DLG2: variants seen among roughly 807,000 people sequenced by gnomAD.
DLG2 encodes discs large MAGUK scaffold protein 2.
Under a neutral mutation model 132.5 loss-of-function variants are expected in DLG2, and 45 were observed. The observed-to-expected ratio is 0.34, with a 90% confidence interval of 0.27 to 0.44. The LOEUF (loss-of-function observed/expected upper bound fraction) is 0.44, where lower values mean the gene tolerates loss of function less well. DLG2 is among the 20% of genes least tolerant of loss of function. The probability of loss-of-function intolerance (pLI) is 1.00; values close to 1 mark genes in which losing one functional copy is unlikely to be tolerated. For missense variants in DLG2, 1,045 were observed against 1,196.9 expected (o/e 0.87, Z 1.87); for synonymous variants, 424 against 419.6 (o/e 1.01, Z -0.13).
intron 6 of DLG2, among the ~76,000 whole-genome samples, chr11:84,892,475 A>T (rs1383419438): frequency 1.3e-5 from 2 of 152,166 alleles, no homozygotes; most frequent in African/African-American, 2.4e-5. Context: ...ACTGCCTATT[A>T]AACATTTGCT....
At chr11:85,337,745 C>T (rs574871676) in intron 3 of DLG2, among the ~76,000 whole-genome samples, 3 of 152,288 alleles carry the variant, frequency 2.0e-5, no homozygotes, top group Admixed American at 2.0e-4. Context: ...TTTCGTCTAC[C>T]ATTTCTGCTT....
intron 6 of DLG2, among the ~76,000 whole-genome samples, chr11:84,581,419 A>T (rs1028534258): frequency 2.0e-5 from 3 of 152,174 alleles, no homozygotes; most frequent in Non-Finnish European, 4.4e-5. Context: ...CTATATATAC[A>T]GATGTTCATT....
intron 19 of DLG2, among the ~76,000 whole-genome samples, chr11:83,566,788 A>G (rs992799310): frequency 2.0e-5 from 3 of 151,666 alleles, no homozygotes; most frequent in Non-Finnish European, 4.4e-5. Flanking sequence ...CTTTCATTCA[A>G]AAACAATCTG....
chr11:85,544,931 G>A (rs934686716), intron 3 of DLG2, among the ~76,000 whole-genome samples: 1 of 152,170 alleles, frequency 6.6e-6, no homozygotes, highest in African/African-American at 2.4e-5. Context: ...CATGTCATCT[G>A]CGCACAGAAA....
intron 18 of DLG2, among the ~76,000 whole-genome samples, chr11:83,748,827 A>T (rs974310954): frequency 6.6e-5 from 10 of 152,176 alleles, no homozygotes; most frequent in African/African-American, 2.2e-4. Context: ...AATCTCTACT[A>T]CTTTGTTCCC....
intron 3 of DLG2, among the ~76,000 whole-genome samples, chr11:85,564,001 G>A (rs1430323553): frequency 6.6e-6 from 1 of 152,052 alleles, no homozygotes; most frequent in Non-Finnish European, 1.5e-5. Context: ...TTGTCTAGTA[G>A]TATCTCACTG....
Position 84,466,854 on chromosome 11 carries a change from G to A in DLG2, c.519+67716C>T, listed in dbSNP as rs181585851. Among the ~76,000 whole-genome samples, 551 of 151,382 alleles carry A rather than the reference G, an allele frequency of 3.6e-3. 3 individuals carry two copies. The highest frequency in any genetic ancestry group is 6.1e-3 in the Non-Finnish European group (413 of 67,520). On this transcript the variant is annotated intron_variant, in intron 7 of 27. Transcript: ENST00000376104. Reference sequence around the variant, plus strand: ...TTGTGACAGTATTTGTTAGGATAAAGTGAATAAGTAAAAATACTAAGAAAA... The same window carrying A: ...TTGTGACAGTATTTGTTAGGATAAAATGAATAAGTAAAAATACTAAGAAAA...
chr11:83,536,582 T>A (rs2095882952), intron 20 of DLG2, among the ~76,000 whole-genome samples: 1 of 146,104 alleles, frequency 6.8e-6, no homozygotes, highest in Admixed American at 6.8e-5. Flanking sequence ...TTTTTTTTTC[T>A]GGCAACTAAA....
intron 3 of DLG2, among the ~76,000 whole-genome samples, chr11:85,321,329 T>G (rs1282887200): frequency 1.3e-5 from 2 of 151,996 alleles, no homozygotes; most frequent in Non-Finnish European, 2.9e-5. Flanking sequence ...AAACCTGAGA[T>G]GCTTGTAAGG....
chr11:83,628,521 TC>T (rs1253138972), intron 19 of DLG2, among the ~76,000 whole-genome samples: 14 of 152,286 alleles, frequency 9.2e-5, no homozygotes, highest in African/African-American at 3.4e-4. Flanking sequence ...AGTTTCAGTT[TC>T]TTCATCTATA....
chr11:85,085,089 T>G (rs1334928368), intron 6 of DLG2, among the ~76,000 whole-genome samples: 1 of 152,154 alleles, frequency 6.6e-6, no homozygotes, highest in Non-Finnish European at 1.5e-5. Context: ...TTCACAATCA[T>G]GCTTATACAC....
chr11:84,778,532 C>T (rs1183296705), intron 6 of DLG2, among the ~76,000 whole-genome samples: 1 of 152,112 alleles, frequency 6.6e-6, no homozygotes, highest in Non-Finnish European at 1.5e-5. Context: ...CTGTAGATTG[C>T]TTTGAGCAGT....
chr11:83,858,022 C>T (rs1004101589), intron 16 of DLG2, among the ~76,000 whole-genome samples: 1 of 152,144 alleles, frequency 6.6e-6, no homozygotes, highest in South Asian at 2.1e-4. Flanking sequence ...ATCCTAAGAA[C>T]TGATTTTGAT....
chr11:85,547,202 C>T (rs1288763793), intron 3 of DLG2, among the ~76,000 whole-genome samples: 1 of 152,170 alleles, frequency 6.6e-6, no homozygotes, highest in Non-Finnish European at 1.5e-5. Flanking sequence ...GTGACAAAAT[C>T]TCTCAGCACT....
At chr11:84,111,608 C>T (rs7123584) in intron 9 of DLG2, among the ~76,000 whole-genome samples, 111,164 of 152,120 alleles carry the variant, frequency 0.73, 42,252 homozygotes, top group Middle Eastern at 0.87. Flanking sequence ...AGGGGTTTAC[C>T]TGAAATTTTA....
intron 7 of DLG2, among the ~76,000 whole-genome samples, chr11:84,478,765 G>T (rs1472240286): frequency 1.3e-5 from 2 of 151,962 alleles, no homozygotes; most frequent in African/African-American, 4.8e-5. Flanking sequence ...TCAACACAAA[G>T]TGTCAAAAGA....
At chr11:83,650,184 C>T (rs531719399) in intron 18 of DLG2, among the ~76,000 whole-genome samples, 7 of 152,236 alleles carry the variant, frequency 4.6e-5, no homozygotes, top group Admixed American at 1.3e-4. Context: ...ATCCTAATCC[C>T]GAGAACTTGT....
chr11:84,261,573 C>A (rs916417506), intron 7 of DLG2, among the ~76,000 whole-genome samples: 1 of 152,158 alleles, frequency 6.6e-6, no homozygotes, highest in African/African-American at 2.4e-5. Flanking sequence ...GCACTAAACC[C>A]TGACATTCTG....
intron 6 of DLG2, among the ~76,000 whole-genome samples, chr11:84,852,174 C>T (rs1235930203): frequency 6.6e-6 from 1 of 151,970 alleles, no homozygotes; most frequent in Non-Finnish European, 1.5e-5. Flanking sequence ...TAATCTCCTC[C>T]ATAGCAATCA....
Sources: allele counts gnomAD v4.1 joint callset (sites outside exome capture counted in the v4.1 genomes callset), GRCh38; gene constraint gnomAD v4.1.1; transcripts MANE v1.5; gene names NCBI Gene and HGNC (gene_info 2026-07-23, HGNC 2026-07-21).